KRT34: variants seen among roughly 807,000 people sequenced by gnomAD.
KRT34 encodes keratin 34.
KRT34 carries 31 observed loss-of-function variants against 41.7 expected under a neutral mutation model. The observed-to-expected ratio is 0.74, with a 90% CI of 0.56 to 1.00. The LOEUF (loss-of-function observed/expected upper bound fraction) is 1.00. KRT34 is among the 50% of genes least tolerant of loss of function. The pLI is 0.00. For synonymous variants in KRT34, 224 were observed against 212.9 expected (o/e 1.05, Z -0.45); for missense variants, 523 against 500.3 (o/e 1.05, Z -0.43).
chr17:41,381,333 C>G (rs2017980620), intron 2 of KRT34, 121 bp from the exon 3 acceptor site: 1 of 1,051,942 alleles, frequency 9.5e-7, no homozygotes, highest in African/African-American at 1.6e-5. Context: ...TCTTCTCTTC[C>G]ATATGCTTCA....
rs117649171 is a variant in KRT34, at chr17:41,378,964, C to T, written c.1089G>A (p.Glu363=). 16,905 of 1,614,170 alleles carry T rather than the reference C, an allele frequency of 0.01. 122 individuals carry two copies. The highest frequency in any genetic ancestry group is 0.013 in the Non-Finnish European group (14,926 of 1,180,008). Reference sequence around the variant, plus strand: ...ATTTGCCCCATACTCACTTGCAGTCCTCACTCTCCAGGAGGCTCCGGTACG... The same window carrying T: ...ATTTGCCCCATACTCACTTGCAGTCTTCACTCTCCAGGAGGCTCCGGTACG... ...INTYRSLLES[E]DCKLPCNPCA... Residue 363 remains glutamate, a synonymous_variant, in exon 6 of 7, where the codon GAG becomes GAA. Coordinates refer to ENST00000394001, the MANE Select transcript of KRT34 (RefSeq NM_001386014.1).
In KRT34 at chr17:41,379,750, A is replaced by G; in HGVS notation, c.589-19T>C. 1 of 1,583,994 alleles carries G rather than the reference A, an allele frequency of 6.3e-7. No homozygotes were observed. ...TAACCTCCTGTTGGAGAAAAGGGAAACAATGAACCTACGGCAATGGATCTG... is the reference window on the plus strand; with the variant it reads ...TAACCTCCTGTTGGAGAAAAGGGAAGCAATGAACCTACGGCAATGGATCTG... On this transcript the variant is annotated intron_variant, in intron 3 of 6. Transcript: ENST00000394001.
chr17:41,378,072 C>T lies in KRT34; in HGVS notation c.1172G>A (p.Gly391Asp). The T allele has an allele frequency of 6.2e-7, 1 of 1,613,224 alleles. No individual in the cohort carries two copies. Among genetic ancestry groups the T allele is most frequent in the Non-Finnish European group, 8.5e-7 (1 of 1,179,252 alleles). ...SCGPCGTSQK[G>D]CCN ...GATACAAGCTTTTCAATTACAGCAA[C>T]CCTTTTGAGAGGTGCCACAGGGTCC... The change falls in exon 7 of 7, where the codon GGT becomes GAT. Residue 391 changes from glycine (G) to aspartate (D), a missense_variant. Gly to Asp is a moderately conservative substitution (Grantham distance 94). Coordinates refer to ENST00000394001, the MANE Select transcript of KRT34 (RefSeq NM_001386014.1).
At chr17:41,383,072 T>G (rs955237013), upstream of KRT34, among the ~76,000 whole-genome samples, 1 of 151,018 alleles carries the variant, frequency 6.6e-6, no homozygotes. Context: ...CAGGCTGGAG[T>G]GCAGTGGCAC....
Position 41,382,115 on chromosome 17 carries a change from G to A in KRT34, c.132C>T (p.Cys44=). ...TGAAGGAGCCCTCACAGAACCAGTT[G>A]CAGTTGCTCACATTGGCGGGGATGT... ...ACNIPANVSN[C]NWFCEGSFNG... Residue 44 remains cysteine, a synonymous_variant, in exon 1 of 7, where the codon TGC becomes TGT. Transcript: ENST00000394001. 1 of 1,612,564 alleles carries A rather than the reference G, an allele frequency of 6.2e-7. No individual in the cohort carries two copies. Among genetic ancestry groups the A allele is most frequent in the Non-Finnish European group, 8.5e-7 (1 of 1,180,044 alleles).
intron 2 of KRT34, 29 bp from the exon 3 acceptor site, chr17:41,381,241 C>A (rs867018069): frequency 2.5e-6 from 4 of 1,602,978 alleles, no homozygotes; most frequent in African/African-American, 1.3e-5. Flanking sequence ...GAGGATAAGT[C>A]AGGAAAGAAA....
intron 2 of KRT34, among the ~76,000 whole-genome samples, 163 bp from the exon 3 acceptor site, chr17:41,381,375 T>C (rs1223654142): frequency 6.6e-6 from 1 of 152,188 alleles, no homozygotes; most frequent in African/African-American, 2.4e-5. Context: ...CTGAAGAGGT[T>C]CCCTGACTCA....
At chr17:41,381,862 A>G (rs750572236) in intron 1 of KRT34, 37 bp downstream of exon 1, 3 of 1,613,096 alleles carry the variant, frequency 1.9e-6, no homozygotes, top group Non-Finnish European at 2.5e-6. Flanking sequence ...AAAGAGAGCC[A>G]GCTGCTGCTG....
chr17:41,382,028 C>T lies in KRT34; in HGVS notation c.219G>A (p.Lys73=), dbSNP rs61740672. 2.9e-3 allele frequency: 4,705 copies of T among 1,614,126 alleles called. 114 individuals carry two copies. The African/African-American group carries it at 0.055, about 19-fold the overall frequency. Residue 73 remains lysine (K), a synonymous_variant, in exon 1 of 7, where the codon AAG becomes AAA. Coordinates refer to ENST00000394001, the MANE Select transcript of KRT34 (RefSeq NM_001386014.1). ...LNDRLASYLE[K]VRQLERDNAE... ...CGTTGTCCCGCTCCAGCTGACGCAC[C>T]TTCTCCAGGTAGCTGGCCAGGCGGT... is the stretch of plus-strand genomic sequence containing the variant.
chr17:41,379,409 C>A lies in KRT34; in HGVS notation c.820G>T (p.Glu274Ter). 1 of 1,613,854 alleles carries A rather than the reference C, an allele frequency of 6.2e-7. No homozygotes were observed. Among genetic ancestry groups the A allele is most frequent in the Non-Finnish European group, 8.5e-7 (1 of 1,180,028 alleles). ...AGGGCGTTGACTGTGCGTCTCAGCT[C>A]GATGATCTCCGCCTGGCAGGACTGC... Reference protein sequence around the residue: ...QLQSCQAEIIELRRTVNALEI... With the variant: ...QLQSCQAEII Residue 274 changes from glutamate (E) to a stop codon, truncating the protein, a stop_gained, in exon 5 of 7, where the codon GAG becomes TAG. Coordinates refer to ENST00000394001, the MANE Select transcript of KRT34 (RefSeq NM_001386014.1). LOFTEE classifies it high-confidence loss of function.
Position 41,378,029 on chromosome 17 carries a change from G to A in KRT34, c.*30C>T. 1.9e-6 allele frequency: 3 copies of A among 1,541,214 alleles called. No individual in the cohort carries two copies. Among genetic ancestry groups the A allele is most frequent in the Non-Finnish European group, 2.7e-6 (3 of 1,114,322 alleles). On this transcript the variant is annotated 3_prime_UTR_variant, in exon 7 of 7. Transcript: ENST00000394001. ...TCCTGTGGTTGATCTAAATGGCTTT[G>A]TAGATGTCTTCAAAGAGGATACAAG...
rs751120128 is a variant in KRT34 at position 41,377,759 on chromosome 17, T to C, written c.*300A>G. ...CCAAAGAAAAAAGGAAAACAGGAAATGCAGTAGTACGTTCAGGAAACACCT... is the reference window on the plus strand; with the variant it reads ...CCAAAGAAAAAAGGAAAACAGGAAACGCAGTAGTACGTTCAGGAAACACCT... On this transcript the variant is annotated 3_prime_UTR_variant, in exon 7 of 7. Transcript: ENST00000394001. The C allele has an allele frequency of 1.1e-5, 4 of 353,064 alleles. No homozygotes were observed. Among genetic ancestry groups the C allele is most frequent in the African/African-American group, 6.1e-5 (3 of 49,234 alleles). 21.9% of individuals were successfully genotyped at this position (353,064 alleles called of 1,614,324 possible).
At chr17:41,381,824 A>G in intron 1 of KRT34, 29 bp from the exon 2 acceptor site, 1 of 1,614,014 alleles carries the variant, frequency 6.2e-7, no homozygotes, top group Non-Finnish European at 8.5e-7. Context: ...CATGAGGTAC[A>G]CTTGAACTTG....
rs748580306 is a variant in KRT34 at position 41,381,967 on chromosome 17, G to A, written c.280C>T (p.Gln94Ter). 6.2e-7 allele frequency: 1 copy of A among 1,614,282 alleles called. No individual in the cohort carries two copies. Among genetic ancestry groups the A allele is most frequent in the Non-Finnish European group, 8.5e-7 (1 of 1,180,046 alleles). Residue 94 changes from glutamine to a stop codon, truncating the protein, a stop_gained, in exon 1 of 7, where the codon CAG (glutamine) becomes TAG (stop). Transcript: ENST00000394001. LOFTEE classifies it high-confidence loss of function. ...CTGGGGCACAGCAAGGGCTCCTGCT[G>A]CTGGGACCGCTCCTGGATGAGTTTC... ...LEKLIQERSQ[Q>*]QEPLLCPSYQ... is the part of the protein sequence containing the mutation.
intron 6 of KRT34, among the ~76,000 whole-genome samples, chr17:41,378,657 T>A (rs551797960): frequency 6.6e-6 from 1 of 152,258 alleles, no homozygotes; most frequent in African/African-American, 2.4e-5. Context: ...GTGGAAAAAT[T>A]GTGCTTTTCA....
In KRT34 at chr17:41,379,113, C is replaced by T. The variant is rs148645199; in HGVS notation, c.940G>A (p.Val314Met). Residue 314 changes from valine (V) to methionine (M), a missense_variant, in exon 6 of 7, where the codon GTG (valine) becomes ATG (methionine). Val to Met is a conservative substitution (Grantham distance 21). Coordinates refer to ENST00000394001, the MANE Select transcript of KRT34 (RefSeq NM_001386014.1). The stretch of plus-strand genomic sequence containing the variant: ...TCCACGTTGGTGATCAGGCTCTGCA[C>T]CTGGGACAGCTGGGAGCTGTAGTGG... ...EAHYSSQLSQ[V>M]QSLITNVESQ... is the part of the protein sequence containing the mutation. 1,518 of 1,614,180 alleles carry T rather than the reference C, an allele frequency of 9.4e-4. 16 individuals are homozygous for T. In the East Asian group the frequency reaches 0.027, roughly 29 times the overall value.
intron 3 of KRT34, among the ~76,000 whole-genome samples, chr17:41,380,266 A>G (rs201780873): frequency 1.7e-4 from 26 of 151,378 alleles, no homozygotes; most frequent in Admixed American, 6.6e-4. Flanking sequence ...AAAAAAAAAA[A>G]AGCACTAAAA....
Position 41,382,237 on chromosome 17 carries a change from T to A in KRT34, c.10A>T (p.Ser4Cys). ...CAGCCCAGGCTGGGCAGGCAACAAC[T>A]GTAAGACATGGTGCTGGAACAGGTA... is the stretch of plus-strand genomic sequence containing the variant. MSY[S>C]CCLPSLGCRT... The change falls in exon 1 of 7, where the codon AGT (serine) becomes TGT (cysteine). Residue 4 changes from serine (S) to cysteine (C), a missense_variant. Transcript: ENST00000394001. 6.2e-7 allele frequency: 1 copy of A among 1,612,704 alleles called. No individual in the cohort carries two copies. Among genetic ancestry groups the A allele is most frequent in the Admixed American group, 1.7e-5 (1 of 60,022 alleles).
At chr17:41,381,347 A>G in intron 2 of KRT34, 135 bp from the exon 3 acceptor site, 1 of 948,296 alleles carries the variant, frequency 1.1e-6, no homozygotes, top group Non-Finnish European at 1.6e-6. Context: ...TGCTTCAGTC[A>G]AGCTGTCCAT....
Sources: gnomAD v4.1 joint callset for allele counts (sites outside exome capture counted in the v4.1 genomes callset) on GRCh38, gnomAD v4.1.1 for gene constraint, MANE v1.5 for transcripts, NCBI Gene and HGNC (gene_info 2026-07-23, HGNC 2026-07-21) for gene names.